The following ZNF664 variants were observed in gnomAD, a reference collection of about 807,000 sequenced individuals.
The protein encoded by ZNF664 is zinc finger Organ of Corti 1.
A neutral mutation model predicts 18.2 loss-of-function variants in ZNF664; 10 were observed. The ratio of observed to expected loss-of-function variants is 0.55; its 90% confidence interval spans 0.34 to 0.93. The LOEUF (loss-of-function observed/expected upper bound fraction) is 0.93. ZNF664 is among the 40% of genes least tolerant of loss of function. The pLI is 0.02. For missense variants in ZNF664, 193 were observed against 319.0 expected, an observed-to-expected ratio of 0.61 and a Z score of 3.01; for synonymous variants, 119 against 104.2, an observed-to-expected ratio of 1.14 and a Z score of -0.86.
Position 124,011,630 on chromosome 12 carries a change from C to T in ZNF664, c.-515C>T, listed in dbSNP as rs1357202813. On this transcript the variant is annotated 5_prime_UTR_variant, in exon 5 of 5. Transcript: ENST00000337815. ...CCGAGGAGCCTGCTTGCTGGAAAGG[C>T]TTTCCTGTCTGATGTGCAGGAGGCA... The T allele has an allele frequency of 9.9e-7, 1 of 1,005,698 alleles. No homozygotes were observed. The highest frequency in any genetic ancestry group is 1.7e-5 in the African/African-American group (1 of 57,552). 62.3% of individuals were successfully genotyped at this position (1,005,698 alleles called of 1,614,324 possible).
Position 124,011,848 on chromosome 12 carries a change from T to A in ZNF664, c.-297T>A. 8.4e-7 allele frequency: 1 copy of A among 1,194,822 alleles called. No individual in the cohort carries two copies. The highest frequency in any genetic ancestry group is 1.0e-6 in the Non-Finnish European group (1 of 965,324). 74.0% of individuals were successfully genotyped at this position (1,194,822 alleles called of 1,614,324 possible). The stretch of plus-strand genomic sequence containing the variant: ...TGCACTTTGAGAGCCCCTTGGAATG[T>A]TGACAACTCAGGATCTAAAACAAAG... On this transcript the variant is annotated 5_prime_UTR_variant, in exon 5 of 5. The change creates a new upstream start codon in the 5' untranslated region. Transcript: ENST00000337815.
chr12:123,974,125 C>T (rs896944344), intron 2 of ZNF664, 105 bp downstream of exon 2: 6 of 816,176 alleles, frequency 7.4e-6, no homozygotes, highest in African/African-American at 1.8e-5. Flanking sequence ...TCCCCGGCTT[C>T]TCATGAACTC....
At chr12:123,995,093 G>A (rs1189565881) in intron 3 of ZNF664, among the ~76,000 whole-genome samples, 1 of 152,216 alleles carries the variant, frequency 6.6e-6, no homozygotes, top group Non-Finnish European at 1.5e-5. Context: ...CAGACAGGAA[G>A]CTGGTGCTCA....
intron 1 of ZNF664, 68 bp from the exon 2 acceptor site, chr12:123,973,818 C>T: frequency 8.5e-7 from 1 of 1,181,276 alleles, no homozygotes; most frequent in Non-Finnish European, 1.1e-6. Flanking sequence ...GTCATGGCCG[C>T]GCCAGGGGAC....
rs978538020 is a variant in ZNF664 at position 124,013,295 on chromosome 12, C to G, written c.*365C>G. The G allele has an allele frequency of 4.0e-6, 1 of 248,796 alleles. No homozygotes were observed. The highest frequency in any genetic ancestry group is 2.3e-5 in the African/African-American group (1 of 43,826). The allele number at this position is 248,796 out of a possible 1,614,324, so 15.4% of individuals were successfully genotyped here. Reference sequence around the variant, plus strand: ...CTTAAAAGCTATCCCAGATACTCCCCCTTGAGGAGCTCATGCCCTTCCTTC... The same window carrying G: ...CTTAAAAGCTATCCCAGATACTCCCGCTTGAGGAGCTCATGCCCTTCCTTC... On this transcript the variant is annotated 3_prime_UTR_variant, in exon 5 of 5. Coordinates refer to ENST00000337815, the MANE Select transcript of ZNF664 (RefSeq NM_152437.3).
At chr12:123,988,699 G>A (rs1956853080) in intron 3 of ZNF664, among the ~76,000 whole-genome samples, 2 of 152,178 alleles carry the variant, frequency 1.3e-5, no homozygotes, top group South Asian at 4.2e-4. Flanking sequence ...GATTCTGAGT[G>A]TCATTGTGTT....
intron 2 of ZNF664, among the ~76,000 whole-genome samples, chr12:123,982,697 C>A (rs1236995482): frequency 6.6e-6 from 1 of 152,162 alleles, no homozygotes; most frequent in Non-Finnish European, 1.5e-5. Context: ...GCCTGGTGGA[C>A]TGGCTAGAAG....
chr12:124,009,131 C>G (rs763458973), intron 3 of ZNF664, among the ~76,000 whole-genome samples: 5 of 152,150 alleles, frequency 3.3e-5, no homozygotes, highest in Non-Finnish European at 5.9e-5. Context: ...TGGCTCCTAA[C>G]AACTTTAACA....
At chr12:123,985,125 C>G (rs1956809090) in intron 2 of ZNF664, among the ~76,000 whole-genome samples, 1 of 151,870 alleles carries the variant, frequency 6.6e-6, no homozygotes, top group Non-Finnish European at 1.5e-5. Context: ...TGTGGAGGAG[C>G]TCAGTAGTGA....
rs1240776691 is a variant in ZNF664, at chr12:124,014,548, T to C, written c.*1618T>C. The C allele has an allele frequency of 1.8e-5, 3 of 167,096 alleles. No individual in the cohort carries two copies. The highest frequency in any genetic ancestry group is 4.4e-5 in the Non-Finnish European group (3 of 68,118). 10.4% of individuals were successfully genotyped at this position (167,096 alleles called of 1,614,324 possible). A position where few individuals can be genotyped will look rare whatever the true frequency, so the allele number is the denominator to read the frequency against. On this transcript the variant is annotated 3_prime_UTR_variant, in exon 5 of 5. Coordinates refer to ENST00000337815, the MANE Select transcript of ZNF664 (RefSeq NM_152437.3). ...TCTTCTCATTCCTGTTTTCATTGAT[T>C]TCCCACATGTAGTCCTTTTGCTCAG... is the stretch of plus-strand genomic sequence containing the variant.
chr12:123,979,369 G>C (rs1956733333), intron 2 of ZNF664, among the ~76,000 whole-genome samples: 1 of 152,164 alleles, frequency 6.6e-6, no homozygotes, highest in Non-Finnish European at 1.5e-5. Flanking sequence ...TTTTTGTTGG[G>C]AGGAGGGCAT....
Position 123,974,005 on chromosome 12 carries a change from C to A in ZNF664, c.-772C>A, listed in dbSNP as rs564444404. 6 of 1,231,878 alleles carry A rather than the reference C, an allele frequency of 4.9e-6. No homozygotes were observed. The highest frequency in any genetic ancestry group is 6.1e-6 in the Non-Finnish European group (6 of 988,174). The allele number at this position is 1,231,878 out of a possible 1,614,324, so 76.3% of individuals were successfully genotyped here. ...CTCCATTGTTTGACCACAACAAGGG[C>A]CGGATTCTCACCCAGGTAAACCGGC... On this transcript the variant is annotated 5_prime_UTR_variant, in exon 2 of 5. Coordinates refer to ENST00000337815, the MANE Select transcript of ZNF664 (RefSeq NM_152437.3).
At chr12:123,997,600 G>C (rs1372217328) in intron 3 of ZNF664, 2 of 152,120 alleles carry the variant, frequency 1.3e-5, no homozygotes, top group African/African-American at 4.8e-5. Flanking sequence ...GACTCTCCAT[G>C]TCCTCTCTTT....
At chr12:124,005,524 T>TGTGTGTGTGTGTGTGTGTGTGA (rs137963321) in intron 3 of ZNF664, among the ~76,000 whole-genome samples, 4 of 147,360 alleles carry the variant, frequency 2.7e-5, no homozygotes, top group African/African-American at 7.6e-5. Context: ...TGTGTGTGTG[T>TGTGTGTGTGTGTGTGTGTGTGA]GAGAGATAGG....
At chr12:124,002,387 G>A (rs1957022898) in intron 3 of ZNF664, among the ~76,000 whole-genome samples, 1 of 152,224 alleles carries the variant, frequency 6.6e-6, no homozygotes, top group African/African-American at 2.4e-5. Context: ...AAAGAGCAAT[G>A]GAAGGATTAA....
chr12:123,983,334 A>G (rs1025657997), intron 2 of ZNF664, among the ~76,000 whole-genome samples: 2 of 152,202 alleles, frequency 1.3e-5, no homozygotes, highest in African/African-American at 4.8e-5. Context: ...TATAATTCGT[A>G]TTGCTTTTTA....
chr12:124,006,233 A>G (rs1957072015), intron 3 of ZNF664: 1 of 152,254 alleles, frequency 6.6e-6, no homozygotes, highest in Admixed American at 6.5e-5. Context: ...AATAGTTGGC[A>G]TTCCTCTGAT....
intron 3 of ZNF664, among the ~76,000 whole-genome samples, chr12:124,008,338 A>G (rs951304210): frequency 6.6e-6 from 1 of 152,078 alleles, no homozygotes; most frequent in African/African-American, 2.4e-5. Flanking sequence ...GGTGTTTCCC[A>G]TTGCACCACA....
intron 3 of ZNF664, chr12:123,998,251 C>T (rs1956972619): frequency 6.6e-6 from 1 of 152,196 alleles, no homozygotes; most frequent in African/African-American, 2.4e-5. Context: ...AGGCTTCCAA[C>T]ACTTTAAATG....
Sources: gnomAD v4.1 joint callset for allele counts (sites outside exome capture counted in the v4.1 genomes callset) on GRCh38, gnomAD v4.1.1 for gene constraint, MANE v1.5 for transcripts, NCBI Gene and HGNC (gene_info 2026-07-23, HGNC 2026-07-21) for gene names.